The following TENM1 variants were observed in gnomAD, a reference collection of about 807,000 sequenced individuals.
TENM1 encodes teneurin transmembrane protein 1.
In TENM1, 35 loss-of-function variants were observed where a neutral mutation model predicts 174.8. That is an observed-to-expected ratio of 0.20 (90% CI 0.15 to 0.27). The LOEUF is 0.27. Ranked by LOEUF, TENM1 falls within the 10% of genes least tolerant of loss-of-function variation. TENM1 has a pLI of 1.00. For synonymous variants in TENM1, 781 were observed against 798.7 expected (o/e 0.98, Z 0.37); for missense variants, 1,633 against 2,130.1 (o/e 0.77, Z 4.59).
chrX:124,889,143 G>C lies in TENM1; in HGVS notation c.535+5153C>G, dbSNP rs376615097. Reference sequence around the variant, plus strand: ...TAAAATTAGCTTTCAATCCTCTCTAGTAGACCTCTTTGGGTATACATATCC... The same window carrying C: ...TAAAATTAGCTTTCAATCCTCTCTACTAGACCTCTTTGGGTATACATATCC... On this transcript the variant is annotated intron_variant, in intron 3 of 31. Transcript: ENST00000422452. Among the ~76,000 whole-genome samples, 47 of 111,469 alleles carry C rather than the reference G, an allele frequency of 4.2e-4. No individual in the cohort carries two copies. In the South Asian group the frequency reaches 0.018, roughly 42 times the overall value.
intron 3 of TENM1, among the ~76,000 whole-genome samples, chrX:124,848,657 A>T (rs1248891928): frequency 9.0e-6 from 1 of 111,140 alleles, no homozygotes; most frequent in Non-Finnish European, 1.9e-5. Flanking sequence ...AAATATGTAC[A>T]TACATAGAAT....
chrX:124,897,253 A>G (rs1248687062), intron 1 of TENM1, among the ~76,000 whole-genome samples: 1 of 111,789 alleles, frequency 8.9e-6, no homozygotes, highest in East Asian at 2.8e-4. Context: ...TTAATGAAAA[A>G]TGACCACATG....
chrX:124,481,707 A>ATATATG, intron 22 of TENM1, 25 bp downstream of exon 25: 1 of 393,918 alleles, frequency 2.5e-6, no homozygotes, highest in Non-Finnish European at 4.1e-6. Flanking sequence ...ATATATATAT[A>ATATATG]TATATTTATT....
In TENM1 at chrX:124,783,614, C is replaced by T. The variant is rs186176808; in HGVS notation, c.536-46417G>A. ...ACTAGACAAAATTCAATAAAAAAAT[C>T]GATGACCTTTAGGAACTGGAGAGTG... On this transcript the variant is annotated intron_variant, in intron 3 of 31. Transcript: ENST00000422452. 5.7e-3 allele frequency among the ~76,000 whole-genome samples: 637 copies of T among 111,438 alleles called. 6 individuals are homozygous for T. Among genetic ancestry groups the T allele is most frequent in the African/African-American group, 0.02 (603 of 30,773 alleles).
intron 3 of TENM1, among the ~76,000 whole-genome samples, chrX:124,830,044 G>A (rs2056255250): frequency 1.8e-5 from 2 of 112,065 alleles, no homozygotes; most frequent in Non-Finnish European, 3.8e-5. Context: ...CTAAGAGTGG[G>A]CATGGGGAAA....
intron 3 of TENM1, among the ~76,000 whole-genome samples, chrX:124,810,484 A>G (rs1382869006): frequency 9.0e-6 from 1 of 111,668 alleles, no homozygotes; most frequent in South Asian, 3.7e-4. Flanking sequence ...TTAGAAATAA[A>G]TTTAACCAAG....
chrX:124,482,729 C>T (rs996228333), intron 21 of TENM1, among the ~76,000 whole-genome samples: 8 of 112,179 alleles, frequency 7.1e-5, no homozygotes, highest in Admixed American at 5.7e-4. Flanking sequence ...CTATTACATA[C>T]TCACAAGGAA....
intron 3 of TENM1, among the ~76,000 whole-genome samples, chrX:124,752,509 T>A (rs1283398480): frequency 1.8e-5 from 2 of 111,988 alleles, no homozygotes; most frequent in African/African-American, 6.5e-5. Context: ...AGATCCCATT[T>A]GTCAATTTTG....
At chrX:124,688,589 G>C (rs2052434646) in intron 5 of TENM1, 1 of 141,876 alleles carries the variant, frequency 7.0e-6, no homozygotes, top group Non-Finnish European at 1.5e-5. Flanking sequence ...GGCTTCACGA[G>C]ATCAATTCCT....
chrX:125,019,932 G>GA, the TENM1 span, among the ~76,000 whole-genome samples: 4 of 111,613 alleles, frequency 3.6e-5, no homozygotes, highest in Non-Finnish European at 5.7e-5. Context: ...GTATTGGTCA[G>GA]AAAATATAGG....
intron 11 of TENM1, among the ~76,000 whole-genome samples, chrX:124,590,244 C>G (rs1232012840): frequency 1.8e-5 from 2 of 110,970 alleles, no homozygotes; most frequent in African/African-American, 6.6e-5. Context: ...CAGTATCAGC[C>G]CAAAATCTCC....
the TENM1 span, among the ~76,000 whole-genome samples, chrX:125,096,946 C>T: frequency 9.0e-6 from 1 of 111,255 alleles, no homozygotes; most frequent in Admixed American, 9.5e-5. Context: ...TTTCAACTAC[C>T]TTAATCTTTT....
chrX:124,562,603 A>T (rs2048841993), intron 13 of TENM1, among the ~76,000 whole-genome samples: 1 of 113,014 alleles, frequency 8.8e-6, no homozygotes, highest in Admixed American at 9.3e-5. Flanking sequence ...TCCATTGATA[A>T]AGCATTAACA....
chrX:124,874,495 GTC>G (rs1325512158), intron 3 of TENM1, among the ~76,000 whole-genome samples: 1 of 109,333 alleles, frequency 9.1e-6, no homozygotes, highest in African/African-American at 3.3e-5. Context: ...GAAATTGACT[GTC>G]TCTGTATGCT....
the TENM1 span, among the ~76,000 whole-genome samples, chrX:125,177,943 G>A: frequency 1.8e-5 from 2 of 111,741 alleles, no homozygotes; most frequent in African/African-American, 3.2e-5. Context: ...AAAAGAATAA[G>A]TACTAAGGAA....
chrX:124,684,483 C>T (rs926040904), intron 5 of TENM1, among the ~76,000 whole-genome samples: 39 of 112,328 alleles, frequency 3.5e-4, no homozygotes, highest in African/African-American at 1.2e-3. Context: ...AGCACCATGC[C>T]CACCCCAGGG....
the TENM1 span, among the ~76,000 whole-genome samples, chrX:125,193,349 G>A: frequency 8.9e-6 from 1 of 112,175 alleles, no homozygotes; most frequent in African/African-American, 3.2e-5. Context: ...CAAGTACTTT[G>A]TTGAATCCAT....
intron 20 of TENM1, among the ~76,000 whole-genome samples, chrX:124,494,897 T>G (rs1374149271): frequency 1.0e-5 from 1 of 97,987 alleles, no homozygotes; most frequent in Non-Finnish European, 2.1e-5. Flanking sequence ...CACATTTTCT[T>G]AATCCAGTCT....
chrX:124,423,053 A>T (rs1363717965), intron 23 of TENM1, among the ~76,000 whole-genome samples: 2 of 112,147 alleles, frequency 1.8e-5, no homozygotes, highest in African/African-American at 6.5e-5. Context: ...TCTGGGGATC[A>T]TTGCTGTAGG....
Sources: gnomAD v4.1 joint callset for allele counts (sites outside exome capture counted in the v4.1 genomes callset) on GRCh38, gnomAD v4.1.1 for gene constraint, MANE v1.5 for transcripts, NCBI Gene and HGNC (gene_info 2026-07-23, HGNC 2026-07-21) for gene names.